Variants in GAS7 observed in about 807,000 individuals in gnomAD.
The protein encoded by GAS7 is growth arrest specific 7, also known as growth arrest-specific protein 7.
In GAS7, 28 loss-of-function variants were observed where a neutral mutation model predicts 71.1. The ratio of observed to expected loss-of-function variants is 0.39; its 90% CI spans 0.29 to 0.54. GAS7 has a LOEUF of 0.54. GAS7 is among the 20% of genes least tolerant of loss of function. The probability of loss-of-function intolerance (pLI) is 0.62; values close to 1 mark genes in which losing one functional copy is unlikely to be tolerated. For missense variants in GAS7, 436 were observed against 627.8 expected (o/e 0.69, Z 3.27); for synonymous variants, 258 against 245.8 (o/e 1.05, Z -0.46).
In GAS7 at chr17:10,126,225, G is replaced by A. The variant is rs569239420; in HGVS notation, c.183+71983C>T. ...GAAAGTATTTGCTCTAATCCTGTCCGTTCTCCTGGAACTTCCTGGAGTTCT... is the reference window on the plus strand; with the variant it reads ...GAAAGTATTTGCTCTAATCCTGTCCATTCTCCTGGAACTTCCTGGAGTTCT... On this transcript the variant is annotated intron_variant, in intron 1 of 13. Coordinates refer to ENST00000432992, the MANE Select transcript of GAS7 (RefSeq NM_201433.2). 4.6e-5 allele frequency among the ~76,000 whole-genome samples: 7 copies of A among 152,058 alleles called. No individual in the cohort carries two copies. The East Asian group carries it at 1.0e-3, about 22-fold the overall frequency.
In GAS7 at chr17:10,103,889, C is replaced by T. The variant is rs2073732550; in HGVS notation, c.184-83992G>A. On this transcript the variant is annotated intron_variant, in intron 1 of 13. Coordinates refer to ENST00000432992, the MANE Select transcript of GAS7 (RefSeq NM_201433.2). This position sits in a 1 kb window ranked among gnomAD's most constrained non-coding sequence, Gnocchi z 5.5. ...AGAACCCATAGTAGCTGCTCATCAA[C>T]CCACAGCCCAAATTCATCCTATCCT... Among the ~76,000 whole-genome samples, 4 of 151,674 alleles carry T rather than the reference C, an allele frequency of 2.6e-5. No individual in the cohort carries two copies. Among genetic ancestry groups the T allele is most frequent in the Admixed American group, 2.0e-4 (3 of 15,222 alleles).
At chr17:9,992,920 C>T (rs1298233011) in intron 2 of GAS7, among the ~76,000 whole-genome samples, 3 of 151,832 alleles carry the variant, frequency 2.0e-5, no homozygotes, top group South Asian at 2.1e-4. Context: ...CATGTCCCTA[C>T]AAAGGACATG....
rs555853363 is a variant in GAS7 at position 10,089,822 on chromosome 17, T to C, written c.184-69925A>G. ...ATCGAGAAACAACATACAATTGTTG[T>C]ATTTAAAATTCTGGAGGCAACCACC... On this transcript the variant is annotated intron_variant, in intron 1 of 13. Coordinates refer to ENST00000432992, the MANE Select transcript of GAS7 (RefSeq NM_201433.2). 3.3e-5 allele frequency among the ~76,000 whole-genome samples: 5 copies of C among 152,318 alleles called. No individual in the cohort carries two copies. In the South Asian group the frequency reaches 1.0e-3, roughly 32 times the overall value.
At chr17:9,976,051 T>C (rs1362687232) in intron 3 of GAS7, among the ~76,000 whole-genome samples, 2 of 152,234 alleles carry the variant, frequency 1.3e-5, no homozygotes, top group East Asian at 1.9e-4. Context: ...CTGTCCACCA[T>C]GGCCCATTTA....
At chr17:9,922,081 C>T (rs751495826) in intron 11 of GAS7, among the ~76,000 whole-genome samples, 14 of 151,814 alleles carry the variant, frequency 9.2e-5, no homozygotes, top group Non-Finnish European at 1.3e-4. Context: ...ATGGAGATAA[C>T]GATTGTACCT....
intron 5 of GAS7, among the ~76,000 whole-genome samples, chr17:9,956,731 C>T (rs113327821): frequency 6.6e-6 from 1 of 152,310 alleles, no homozygotes; most frequent in South Asian, 2.1e-4. Flanking sequence ...TCTCTGGATC[C>T]ACCACCCTTT....
chr17:10,134,836 C>G (rs938516780), intron 1 of GAS7, among the ~76,000 whole-genome samples: 1 of 144,898 alleles, frequency 6.9e-6, no homozygotes, highest in Non-Finnish European at 1.5e-5. Flanking sequence ...TTTACATCCA[C>G]TTTTTTTTTT....
intron 9 of GAS7, among the ~76,000 whole-genome samples, chr17:9,929,469 TTTTA>T (rs1195364488): frequency 2.6e-5 from 4 of 152,054 alleles, no homozygotes; most frequent in East Asian, 3.9e-4. Flanking sequence ...ACATCAAGTA[TTTTA>T]TTTATTTATT....
chr17:10,055,719 T>C (rs2073127205), intron 1 of GAS7, among the ~76,000 whole-genome samples: 1 of 152,222 alleles, frequency 6.6e-6, no homozygotes, highest in Non-Finnish European at 1.5e-5. Context: ...ACTTCACAAC[T>C]CAATATACAA....
At chr17:10,153,038 C>CAAAAA (rs397857973) in intron 1 of GAS7, among the ~76,000 whole-genome samples, 1 of 76,024 alleles carries the variant, frequency 1.3e-5, no homozygotes, top group African/African-American at 4.4e-5. Flanking sequence ...ACTAAAAATA[C>CAAAAA]AAAAAAAAAA....
intron 1 of GAS7, among the ~76,000 whole-genome samples, chr17:10,068,513 T>G (rs1433309200): frequency 6.6e-6 from 1 of 151,872 alleles, no homozygotes; most frequent in Non-Finnish European, 1.5e-5. Flanking sequence ...CCCAGCACTT[T>G]GGGAGGCTGA....
chr17:9,926,198 A>G lies in GAS7; in HGVS notation c.1014+443T>C, dbSNP rs1036748628. Among the ~76,000 whole-genome samples the G allele has an allele frequency of 6.6e-6, 1 of 152,098 alleles. No individual in the cohort carries two copies. On this transcript the variant is annotated intron_variant, in intron 10 of 13. Coordinates refer to ENST00000432992, the MANE Select transcript of GAS7 (RefSeq NM_201433.2). This position sits in a 1 kb window ranked among gnomAD's most constrained non-coding sequence, Gnocchi z 5.0. ...CACTCTCTTCCCTCTAAGGCTGAAC[A>G]TCAGTTCCCTGGAGGTGAGACCACC...
At chr17:10,122,317 G>A (rs932524298) in intron 1 of GAS7, among the ~76,000 whole-genome samples, 2 of 152,166 alleles carry the variant, frequency 1.3e-5, no homozygotes, top group African/African-American at 4.8e-5. Flanking sequence ...GCATCTTCTA[G>A]AAACCCTCAT....
chr17:10,168,893 A>G (rs2074314410), intron 1 of GAS7, among the ~76,000 whole-genome samples: 2 of 149,450 alleles, frequency 1.3e-5, no homozygotes, highest in Admixed American at 1.3e-4. Context: ...TCACTTGAAC[A>G]TGGGAGGCAG....
intron 1 of GAS7, among the ~76,000 whole-genome samples, chr17:10,089,343 A>G (rs537085544): frequency 3.7e-4 from 57 of 152,164 alleles, no homozygotes; most frequent in Non-Finnish European, 7.1e-4. Context: ...ACAAAATGCA[A>G]GCCCGCAAAT....
chr17:9,984,751 A>G (rs1012535762), intron 2 of GAS7, among the ~76,000 whole-genome samples: 4 of 152,196 alleles, frequency 2.6e-5, no homozygotes, highest in Admixed American at 6.5e-5. Context: ...GTTCACCTGT[A>G]CAAAGCACTT....
At chr17:10,167,073 T>TTTTTTTTTC (rs138918612) in intron 1 of GAS7, among the ~76,000 whole-genome samples, 2 of 116,008 alleles carry the variant, frequency 1.7e-5, no homozygotes, top group Non-Finnish European at 3.6e-5. Context: ...TTTTTTTTTT[T>TTTTTTTTTC]TGAGACAGAG....
At position 9,919,134 on chromosome 17, in the gene GAS7, A is replaced by G. The variant is rs995612405; in HGVS notation, c.1218+492T>C. Among the ~76,000 whole-genome samples, 1 of 152,070 alleles carries G rather than the reference A, an allele frequency of 6.6e-6. No homozygotes were observed. Among genetic ancestry groups the G allele is most frequent in the Admixed American group, 6.5e-5 (1 of 15,270 alleles). Reference sequence around the variant, plus strand: ...GCTGCCCCTTTACAAGAAATACTCAAGAGCATCATCGGCCCTGCCGCCTGT... The same window carrying G: ...GCTGCCCCTTTACAAGAAATACTCAGGAGCATCATCGGCCCTGCCGCCTGT... On this transcript the variant is annotated intron_variant, in intron 12 of 13. Transcript: ENST00000432992. This position sits in a 1 kb window ranked among gnomAD's most constrained non-coding sequence, Gnocchi z 5.0.
intron 8 of GAS7, among the ~76,000 whole-genome samples, chr17:9,939,490 G>A (rs1196143005): frequency 6.6e-6 from 1 of 152,228 alleles, no homozygotes; most frequent in African/African-American, 2.4e-5. Context: ...GACAAAGGGA[G>A]GCTGGAGTGG....
Sources: gnomAD v4.1 joint callset for allele counts (sites outside exome capture counted in the v4.1 genomes callset) on GRCh38, gnomAD v4.1.1 for gene constraint, Gnocchi (gnomAD v3.1) non-coding constraint, MANE v1.5 for transcripts, NCBI Gene and HGNC (gene_info 2026-07-23, HGNC 2026-07-21) for gene names.